Variants in CTIF observed in about 807,000 individuals in gnomAD.
The protein encoded by CTIF is cap binding complex dependent translation initiation factor.
CTIF carries 21 observed loss-of-function variants against 66.0 expected under a neutral mutation model. The observed-to-expected ratio is 0.32, with a 90% CI of 0.23 to 0.46. The LOEUF is 0.46. CTIF is among the 20% of genes least tolerant of loss of function. The probability of loss-of-function intolerance (pLI) is 1.00; values close to 1 mark genes in which losing one functional copy is unlikely to be tolerated. For synonymous variants in CTIF, 345 were observed against 326.4 expected (o/e 1.06, Z -0.62); for missense variants, 739 against 812.7 (o/e 0.91, Z 1.10).
Position 48,734,950 on chromosome 18 carries a change from A to G in CTIF, c.585-22969A>G, listed in dbSNP as rs60153432. 2.4e-3 allele frequency among the ~76,000 whole-genome samples: 369 copies of G among 152,346 alleles called. 3 individuals are homozygous for G. The highest frequency in any genetic ancestry group is 7.7e-3 in the African/African-American group (322 of 41,568). ...TGTGTACTCCTGTGTACATATACATATATGGTATATATGCACATGTGTGTT... is the reference window on the plus strand; with the variant it reads ...TGTGTACTCCTGTGTACATATACATGTATGGTATATATGCACATGTGTGTT... On this transcript the variant is annotated intron_variant, in intron 7 of 11. Coordinates refer to ENST00000256413, the MANE Select transcript of CTIF (RefSeq NM_014772.3).
At position 48,685,363 on chromosome 18, in the gene CTIF, C is replaced by T. The variant is rs557297559; in HGVS notation, c.507+14619C>T. ...TCAGCCTCCTGAGTAGCTGGGATTA[C>T]AGGCACATGCCACCACGCCCGGCTA... On this transcript the variant is annotated intron_variant, in intron 6 of 11. Coordinates refer to ENST00000256413, the MANE Select transcript of CTIF (RefSeq NM_014772.3). 1.6e-4 allele frequency among the ~76,000 whole-genome samples: 25 copies of T among 152,214 alleles called. No homozygotes were observed. In the South Asian group the frequency reaches 4.6e-3, roughly 28 times the overall value.
intron 1 of CTIF, among the ~76,000 whole-genome samples, chr18:48,563,939 T>A (rs2089220928): frequency 6.6e-6 from 1 of 152,170 alleles, no homozygotes; most frequent in African/African-American, 2.4e-5. Context: ...ACCAGTCCCC[T>A]ACCCCCTCAA....
intron 6 of CTIF, among the ~76,000 whole-genome samples, chr18:48,684,354 G>T (rs2091800502): frequency 6.6e-6 from 1 of 152,096 alleles, no homozygotes; most frequent in Non-Finnish European, 1.5e-5. Flanking sequence ...GTCCTCAAGT[G>T]ACCCGTTCCA....
At chr18:48,778,816 G>A (rs1461041271) in intron 9 of CTIF, among the ~76,000 whole-genome samples, 1 of 152,194 alleles carries the variant, frequency 6.6e-6, no homozygotes, top group Non-Finnish European at 1.5e-5. Context: ...CGTTCTGGGG[G>A]CATTCTCACT....
intron 9 of CTIF, among the ~76,000 whole-genome samples, chr18:48,812,246 G>T (rs536603232): frequency 3.9e-4 from 60 of 152,174 alleles, no homozygotes; most frequent in Non-Finnish European, 7.6e-4. Context: ...TTATAGGTGT[G>T]AGCCACCGCG....
intron 7 of CTIF, among the ~76,000 whole-genome samples, chr18:48,741,446 G>A (rs147719565): frequency 0.018 from 2,536 of 142,362 alleles, 32 homozygotes; most frequent in Admixed American, 0.03. Flanking sequence ...TTTTTGAGGC[G>A]GAGTCTTGTT....
chr18:48,763,800 T>C (rs9304370), intron 9 of CTIF, among the ~76,000 whole-genome samples: 44,861 of 151,968 alleles, frequency 0.3, 7,563 homozygotes, highest in African/African-American at 0.47. Flanking sequence ...AGGGACCCCG[T>C]GTGAGCCTTT....
At chr18:48,713,981 T>C (rs2092254816) in intron 7 of CTIF, among the ~76,000 whole-genome samples, 1 of 151,830 alleles carries the variant, frequency 6.6e-6, no homozygotes, top group Non-Finnish European at 1.5e-5. Flanking sequence ...AGCCTGGAGC[T>C]GTCGTGGAGT....
intron 9 of CTIF, among the ~76,000 whole-genome samples, chr18:48,785,066 C>A (rs745429795): frequency 7.9e-5 from 12 of 152,254 alleles, no homozygotes; most frequent in Non-Finnish European, 1.5e-5. Context: ...CTGGAAAAAA[C>A]AGGCACTAGG....
chr18:48,693,165 A>G (rs2091957005), intron 6 of CTIF, among the ~76,000 whole-genome samples: 1 of 152,178 alleles, frequency 6.6e-6, no homozygotes, highest in African/African-American at 2.4e-5. Context: ...TTGGCAGACC[A>G]TGGTGAAATC....
chr18:48,804,908 C>T (rs982749310), intron 9 of CTIF, among the ~76,000 whole-genome samples: 2 of 152,194 alleles, frequency 1.3e-5, no homozygotes, highest in African/African-American at 4.8e-5. Flanking sequence ...CAGTCTCATC[C>T]TCATCCCCAG....
chr18:48,854,410 A>G (rs1045919753), intron 10 of CTIF, among the ~76,000 whole-genome samples: 4 of 152,010 alleles, frequency 2.6e-5, no homozygotes, highest in Non-Finnish European at 5.9e-5. Flanking sequence ...AGTCATGGAA[A>G]CCCATGGCTT....
chr18:48,829,959 G>A (rs1392527311), intron 10 of CTIF, among the ~76,000 whole-genome samples: 1 of 152,164 alleles, frequency 6.6e-6, no homozygotes, highest in Non-Finnish European at 1.5e-5. Context: ...CTTCTTGATG[G>A]CTCTGCTCTC....
chr18:48,717,287 A>G (rs1257524158), intron 7 of CTIF, among the ~76,000 whole-genome samples: 1 of 151,684 alleles, frequency 6.6e-6, no homozygotes, highest in Non-Finnish European at 1.5e-5. Flanking sequence ...AATCCCAGTT[A>G]CTCGGGAGGC....
intron 9 of CTIF, among the ~76,000 whole-genome samples, chr18:48,772,033 CAA>C (rs1414773393): frequency 6.6e-6 from 1 of 152,232 alleles, no homozygotes; most frequent in Non-Finnish European, 1.5e-5. Flanking sequence ...CAGCCACTAC[CAA>C]GAGAGAGCAG....
chr18:48,595,712 A>G (rs1424657049), intron 1 of CTIF, among the ~76,000 whole-genome samples: 1 of 152,124 alleles, frequency 6.6e-6, no homozygotes, highest in Non-Finnish European at 1.5e-5. Context: ...GCCTTAAACT[A>G]CATACATTTG....
rs1908613156 is a variant in CTIF at position 48,758,315 on chromosome 18, C to G, written c.981C>G (p.Asp327Glu). 1 of 1,613,208 alleles carries G rather than the reference C, an allele frequency of 6.2e-7. No individual in the cohort carries two copies. Among genetic ancestry groups the G allele is most frequent in the South Asian group, 1.1e-5 (1 of 91,078 alleles). The change falls in exon 8 of 12, where the codon GAC (aspartate) becomes GAG (glutamate). Residue 327 changes from aspartate (D) to glutamate (E), a missense_variant. By Grantham distance (45) the Asp-to-Glu change is conservative. Coordinates refer to ENST00000256413, the MANE Select transcript of CTIF (RefSeq NM_014772.3). ...GGPEVETKRK[D>E]SILPERIGER... ...CAGAGGTTGAGACAAAACGTAAAGA[C>G]AGTATTCTTCCCGAGCGCATCGGGG...
chr18:48,772,521 A>C, intron 9 of CTIF, among the ~76,000 whole-genome samples: 1 of 151,768 alleles, frequency 6.6e-6, no homozygotes, highest in Non-Finnish European at 1.5e-5. Flanking sequence ...CCCCTACAGC[A>C]ATGCCTCCCC....
intron 6 of CTIF, among the ~76,000 whole-genome samples, chr18:48,679,906 G>T (rs577681045): frequency 1.3e-5 from 2 of 152,164 alleles, no homozygotes; most frequent in African/African-American, 4.8e-5. Flanking sequence ...GAGAATTATG[G>T]TCAGGAGAAA....
Sources: gnomAD v4.1 joint callset for allele counts (sites outside exome capture counted in the v4.1 genomes callset) on GRCh38, gnomAD v4.1.1 for gene constraint, MANE v1.5 for transcripts, NCBI Gene and HGNC (gene_info 2026-07-23, HGNC 2026-07-21) for gene names.